TCEA1: variants seen among roughly 807,000 people sequenced by gnomAD.
TCEA1 encodes transcription elongation factor A protein 1.
Under a neutral mutation model 43.8 loss-of-function variants are expected in TCEA1, and 21 were observed. The ratio of observed to expected loss-of-function variants is 0.48; its 90% CI spans 0.34 to 0.69. The LOEUF (loss-of-function observed/expected upper bound fraction) is 0.69. Ranked by LOEUF, TCEA1 falls within the 30% of genes least tolerant of loss-of-function variation. The pLI is 0.01. For synonymous variants in TCEA1, 104 were observed against 117.5 expected, an observed-to-expected ratio of 0.88 and a Z score of 0.75; for missense variants, 250 against 365.1, an observed-to-expected ratio of 0.68 and a Z score of 2.57.
At chr8:53,992,888 A>T (rs1238447221) in intron 4 of TCEA1, among the ~76,000 whole-genome samples, 1 of 152,050 alleles carries the variant, frequency 6.6e-6, no homozygotes, top group African/African-American at 2.4e-5. Context: ...AAGGCCTCAT[A>T]GGAGGTGAGG....
At chr8:53,981,740 A>G (rs534431246) in intron 7 of TCEA1, among the ~76,000 whole-genome samples, 49 of 152,012 alleles carry the variant, frequency 3.2e-4, no homozygotes, top group African/African-American at 1.1e-3. Context: ...TCATGAATCA[A>G]GGAGTAATTC....
intron 4 of TCEA1, among the ~76,000 whole-genome samples, chr8:53,990,669 C>T (rs1803847728): frequency 6.6e-6 from 1 of 152,090 alleles, no homozygotes; most frequent in Admixed American, 6.6e-5. Context: ...CAGCCAAAAA[C>T]CCAGTTCTTA....
intron 2 of TCEA1, chr8:54,003,042 T>C (rs1469796645): frequency 2.2e-6 from 1 of 456,276 alleles, no homozygotes; most frequent in Non-Finnish European, 4.4e-6. Context: ...AAGTCTCCTT[T>C]GTGATCACTC....
intron 3 of TCEA1, among the ~76,000 whole-genome samples, chr8:53,995,397 T>C (rs1804023832): frequency 6.6e-6 from 1 of 151,880 alleles, no homozygotes; most frequent in Non-Finnish European, 1.5e-5. Context: ...AACTTGAGGC[T>C]GCAATGAGCT....
intron 2 of TCEA1, among the ~76,000 whole-genome samples, chr8:54,008,700 A>G (rs926717336): frequency 1.3e-5 from 2 of 151,882 alleles, no homozygotes; most frequent in East Asian, 1.9e-4. Context: ...ACATGAATAG[A>G]TATTTCTCAA....
Position 53,983,629 on chromosome 8 carries a change from T to C in TCEA1, c.678+734A>G, listed in dbSNP as rs142806828. Among the ~76,000 whole-genome samples the C allele has an allele frequency of 4.5e-4, 68 of 151,492 alleles. No individual in the cohort carries two copies. The East Asian group carries it at 0.013, about 28-fold the overall frequency. On this transcript the variant is annotated intron_variant, in intron 7 of 9. Coordinates refer to ENST00000521604, the MANE Select transcript of TCEA1 (RefSeq NM_006756.4). ...GTTGCAGTGAGCCAAGACTATGCCA[T>C]TGCATCCCAGCCCAGGCAACAAGGG...
intron 3 of TCEA1, among the ~76,000 whole-genome samples, chr8:53,994,731 C>A (rs1184811415): frequency 1.3e-5 from 2 of 151,716 alleles, no homozygotes; most frequent in African/African-American, 2.4e-5. Flanking sequence ...ATTAGCCGGG[C>A]GTGGTGATAC....
At chr8:53,989,779 CA>C (rs1170542850) in intron 4 of TCEA1, among the ~76,000 whole-genome samples, 1 of 151,842 alleles carries the variant, frequency 6.6e-6, no homozygotes, top group Non-Finnish European at 1.5e-5. Flanking sequence ...CCAGCCTGAG[CA>C]ACTGAGCAAG....
rs569636472 is a variant in TCEA1 at position 53,998,553 on chromosome 8, AT to A, written c.232+1391del. Among the ~76,000 whole-genome samples, 79 of 152,124 alleles carry A rather than the reference AT, an allele frequency of 5.2e-4. 2 individuals carry two copies. In the South Asian group the frequency reaches 0.011, roughly 22 times the overall value. On this transcript the variant is annotated intron_variant, in intron 3 of 9. Coordinates refer to ENST00000521604, the MANE Select transcript of TCEA1 (RefSeq NM_006756.4). ...TTTTAAAGCATGGCCCACAACAGTA[AT>A]TTTTTTTATTGGGTTTGTGCAATTA... is the stretch of plus-strand genomic sequence containing the variant.
chr8:53,990,094 G>C (rs942329482), intron 4 of TCEA1, among the ~76,000 whole-genome samples: 1 of 151,938 alleles, frequency 6.6e-6, no homozygotes, highest in African/African-American at 2.4e-5. Context: ...AGCTACTTGG[G>C]GGCTGAAGTA....
intron 1 of TCEA1, among the ~76,000 whole-genome samples, chr8:54,021,125 G>T (rs59549579): frequency 0.055 from 8,413 of 152,220 alleles, 762 homozygotes; most frequent in African/African-American, 0.19. Flanking sequence ...AGAGGCGGAG[G>T]TTGCAGTGAG....
chr8:53,976,641 T>C (rs144603524), intron 8 of TCEA1, among the ~76,000 whole-genome samples: 585 of 152,312 alleles, frequency 3.8e-3, no homozygotes, highest in South Asian at 0.012. Context: ...AATTTGATTA[T>C]GTAAGTATAT....
intron 2 of TCEA1, among the ~76,000 whole-genome samples, chr8:54,006,286 C>A (rs1804455348): frequency 6.6e-6 from 1 of 152,114 alleles, no homozygotes; most frequent in African/African-American, 2.4e-5. Flanking sequence ...TTATCTTATT[C>A]ATCTTTATAA....
chr8:53,983,819 C>A (rs1803599035), intron 7 of TCEA1, among the ~76,000 whole-genome samples: 1 of 152,218 alleles, frequency 6.6e-6, no homozygotes, highest in Admixed American at 6.5e-5. Context: ...CACTTGGTGG[C>A]CAGCCGTGGT....
chr8:53,989,280 C>T (rs180991091), intron 4 of TCEA1, among the ~76,000 whole-genome samples: 28 of 152,284 alleles, frequency 1.8e-4, no homozygotes, highest in Middle Eastern at 6.8e-3. Context: ...TAGCTTCTTA[C>T]GTTGGATTAT....
rs199869556 is a variant in TCEA1, at chr8:53,988,186, G to C, written c.394C>G (p.Arg132Gly). The change falls in exon 5 of 10, where the codon CGG becomes GGG. Residue 132 changes from arginine (R) to glycine (G), a missense_variant. Around this residue, in one of 4 missense-constraint regions of TCEA1, gnomAD observed 147 missense variants for 160.3 expected, o/e 0.92. Transcript: ENST00000521604. ...ARDTYVSSFP[R>G]APSTSDSVRL... ...ACAGAATCAGAAGTGCTTGGTGCCCGAGGAAAGGATGAAACATAAGTATCT... is the reference window on the plus strand; with the variant it reads ...ACAGAATCAGAAGTGCTTGGTGCCCCAGGAAAGGATGAAACATAAGTATCT... 5.6e-6 allele frequency: 9 copies of C among 1,613,038 alleles called. No homozygotes were observed. Among genetic ancestry groups the C allele is most frequent in the East Asian group, 2.2e-5 (1 of 44,868 alleles).
At chr8:53,994,384 G>C (rs1231930394) in intron 3 of TCEA1, among the ~76,000 whole-genome samples, 1 of 152,082 alleles carries the variant, frequency 6.6e-6, no homozygotes, top group African/African-American at 2.4e-5. Flanking sequence ...AGCATACACA[G>C]CAATATTGTT....
chr8:54,020,350 T>C (rs1422545028), intron 1 of TCEA1, among the ~76,000 whole-genome samples: 1 of 152,048 alleles, frequency 6.6e-6, no homozygotes, highest in African/African-American at 2.4e-5. Context: ...TGAAGGGCCA[T>C]ATCAATGGGG....
At chr8:54,018,097 TTAATC>T (rs1186082085) in intron 1 of TCEA1, among the ~76,000 whole-genome samples, 6 of 152,226 alleles carry the variant, frequency 3.9e-5, no homozygotes, top group Non-Finnish European at 5.9e-5. Flanking sequence ...ATTATGCTAA[TTAATC>T]TAACTCTGAT....
Sources: allele counts gnomAD v4.1 joint callset (sites outside exome capture counted in the v4.1 genomes callset), GRCh38; gene constraint gnomAD v4.1.1; regional missense constraint gnomAD v4.1.1; transcripts MANE v1.5; gene names NCBI Gene and HGNC (gene_info 2026-07-23, HGNC 2026-07-21).